Variants in KLRG1 observed in about 807,000 individuals in gnomAD.
KLRG1 encodes the protein killer cell lectin-like receptor subfamily G member 1.
A neutral mutation model predicts 21.8 loss-of-function variants in KLRG1; 16 were observed. The ratio of observed to expected loss-of-function variants is 0.73; its 90% confidence interval spans 0.50 to 1.11. KLRG1 has a LOEUF of 1.11. Ranked by LOEUF, KLRG1 falls within the 50% of genes most tolerant of loss-of-function variation. The pLI, the probability that KLRG1 is intolerant of heterozygous loss-of-function variation, is 0.00. For missense variants in KLRG1, 173 were observed against 218.3 expected (o/e 0.79, Z 1.31); for synonymous variants, 69 against 75.9 (o/e 0.91, Z 0.47).
the KLRG1 span, chr12:9,090,531 G>A: frequency 6.3e-7 from 1 of 1,595,166 alleles, no homozygotes; most frequent in African/African-American, 1.3e-5. Context: ...AGAACAGAGG[G>A]AGAATGGGTT....
At chr12:8,956,540 G>A (rs949344970) in intron 1 of KLRG1, among the ~76,000 whole-genome samples, 1 of 152,098 alleles carries the variant, frequency 6.6e-6, no homozygotes, top group African/African-American at 2.4e-5. Context: ...CTGCCTCCCA[G>A]GTTCAAGTGA....
chr12:9,151,063 A>G, the KLRG1 span, among the ~76,000 whole-genome samples: 2 of 152,214 alleles, frequency 1.3e-5, no homozygotes, highest in Non-Finnish European at 2.9e-5. Context: ...TGTAATTAAA[A>G]CAACGAAGTA....
chr12:9,215,177 T>C, the KLRG1 span, among the ~76,000 whole-genome samples: 6 of 152,038 alleles, frequency 3.9e-5, no homozygotes, highest in African/African-American at 1.4e-4. Context: ...GCTGAAGGCA[T>C]CTGGAAAGAA....
At chr12:9,193,965 G>T in the KLRG1 span, 1 of 1,075,790 alleles carries the variant, frequency 9.3e-7, no homozygotes, top group Non-Finnish European at 1.3e-6. Flanking sequence ...TAAACTCAAA[G>T]TTAGATATCT....
chr12:9,075,130 A>G, the KLRG1 span, among the ~76,000 whole-genome samples: 1 of 152,210 alleles, frequency 6.6e-6, no homozygotes, highest in African/African-American at 2.4e-5. Flanking sequence ...TACATTTCCT[A>G]TAAAGTGTGT....
the KLRG1 span, among the ~76,000 whole-genome samples, chr12:9,084,217 G>T: frequency 6.6e-6 from 1 of 152,036 alleles, no homozygotes; most frequent in South Asian, 2.1e-4. Context: ...GAAACAAAAG[G>T]CCCCTAATTA....
At chr12:9,101,617 C>T in the KLRG1 span, 1 of 1,613,986 alleles carries the variant, frequency 6.2e-7, no homozygotes, top group Admixed American at 1.7e-5. Context: ...TGTGCCTCTT[C>T]GTGTTCTTCT....
At chr12:9,164,280 G>T in the KLRG1 span, 1 of 1,609,702 alleles carries the variant, frequency 6.2e-7, no homozygotes, top group African/African-American at 1.3e-5. Flanking sequence ...ATGTGAGGCA[G>T]AGACAGAAAT....
At chr12:9,007,310 G>T (rs948439825) in intron 3 of KLRG1, among the ~76,000 whole-genome samples, 4 of 152,192 alleles carry the variant, frequency 2.6e-5, no homozygotes, top group African/African-American at 9.7e-5. Context: ...ACCCAGGCTG[G>T]AGTGCAGTGA....
the KLRG1 span, among the ~76,000 whole-genome samples, chr12:9,158,752 C>CTTTTTTTTTTTTTTTTTT: frequency 6.1e-5 from 6 of 97,816 alleles, no homozygotes; most frequent in Admixed American, 1.3e-4. Context: ...TTTTTCTTTT[C>CTTTTTTTTTTTTTTTTTT]TTTTCTTTTT....
chr12:9,144,094 G>T, the KLRG1 span, among the ~76,000 whole-genome samples: 1 of 152,122 alleles, frequency 6.6e-6, no homozygotes, highest in Non-Finnish European at 1.5e-5. Flanking sequence ...CCAGTTGGCT[G>T]GATTAGTGTC....
At chr12:9,091,811 G>A in the KLRG1 span, among the ~76,000 whole-genome samples, 31 of 152,208 alleles carry the variant, frequency 2.0e-4, no homozygotes, top group Non-Finnish European at 3.5e-4. Flanking sequence ...GCTAACCAGT[G>A]AGGGATCTCT....
the KLRG1 span, among the ~76,000 whole-genome samples, chr12:9,177,933 A>G: frequency 3.4e-4 from 52 of 152,334 alleles, no homozygotes; most frequent in South Asian, 1.0e-2. Flanking sequence ...AATATCAGGC[A>G]TATTACCAAA....
the KLRG1 span, among the ~76,000 whole-genome samples, chr12:9,120,942 T>C: frequency 1.3e-5 from 2 of 151,012 alleles, no homozygotes; most frequent in African/African-American, 4.9e-5. Flanking sequence ...GTACAGTGGT[T>C]AGATCATAGC....
At chr12:9,137,354 T>C in the KLRG1 span, among the ~76,000 whole-genome samples, 2 of 152,136 alleles carry the variant, frequency 1.3e-5, no homozygotes, top group South Asian at 4.1e-4. Flanking sequence ...GGTGCATTTA[T>C]TCCTGAGATC....
the KLRG1 span, among the ~76,000 whole-genome samples, chr12:9,212,462 T>C: frequency 6.6e-6 from 1 of 151,682 alleles, no homozygotes; most frequent in Non-Finnish European, 1.5e-5. Flanking sequence ...CCAATCATCT[T>C]TTCTAGTTTT....
chr12:9,176,584 C>CT, the KLRG1 span, among the ~76,000 whole-genome samples: 2 of 152,218 alleles, frequency 1.3e-5, no homozygotes, highest in African/African-American at 4.8e-5. Context: ...ATGCAGTGTA[C>CT]TTTTTATGGA....
At chr12:9,204,145 G>A in the KLRG1 span, among the ~76,000 whole-genome samples, 1 of 152,156 alleles carries the variant, frequency 6.6e-6, no homozygotes, top group Admixed American at 6.5e-5. Flanking sequence ...CCATGCCTCA[G>A]CCACACAATC....
chr12:9,156,011 C>A, the KLRG1 span: 13 of 172,564 alleles, frequency 7.5e-5, no homozygotes, highest in Non-Finnish European at 1.3e-4. Context: ...TTTATTGCTT[C>A]TTGACCTTTT....
Sources: gnomAD v4.1 joint callset for allele counts (sites outside exome capture counted in the v4.1 genomes callset) on GRCh38, gnomAD v4.1.1 for gene constraint, MANE v1.5 for transcripts, NCBI Gene and HGNC (gene_info 2026-07-23, HGNC 2026-07-21) for gene names.